The following CFAP299 variants were observed in gnomAD, a reference collection of about 807,000 sequenced individuals.
CFAP299 encodes cilia and flagella associated protein 299, also known as cilia- and flagella-associated protein 299.
A neutral mutation model predicts 27.0 loss-of-function variants in CFAP299; 21 were observed. The ratio of observed to expected loss-of-function variants is 0.78; its 90% CI spans 0.55 to 1.12. CFAP299 has a LOEUF of 1.12. CFAP299 is among the 50% of genes most tolerant of loss of function. CFAP299 has a pLI of 0.00. For synonymous variants in CFAP299, 104 were observed against 98.1 expected (o/e 1.06, Z -0.36); for missense variants, 310 against 276.6 (o/e 1.12, Z -0.86).
chr4:80,438,858 A>C (rs1381134888), intron 2 of CFAP299, among the ~76,000 whole-genome samples: 2 of 152,184 alleles, frequency 1.3e-5, no homozygotes, highest in African/African-American at 2.4e-5. Flanking sequence ...TTCCTTAAAT[A>C]TTTTATGCTC....
chr4:80,672,527 T>C (rs1741549622), intron 3 of CFAP299, among the ~76,000 whole-genome samples: 1 of 152,180 alleles, frequency 6.6e-6, no homozygotes, highest in African/African-American at 2.4e-5. Context: ...ATAAAATGAG[T>C]TAGGGAGGAT....
intron 3 of CFAP299, among the ~76,000 whole-genome samples, chr4:80,799,714 ATATTATATTTTAT>A (rs1728214454): frequency 1.8e-5 from 1 of 55,946 alleles, no homozygotes; most frequent in African/African-American, 8.0e-5. Context: ...TATATTTTAT[ATATTATATTTTAT>A]AAATATATAT....
chr4:80,902,384 T>TCC, intron 4 of CFAP299, among the ~76,000 whole-genome samples: 1 of 146,158 alleles, frequency 6.8e-6, no homozygotes, highest in South Asian at 2.1e-4. Flanking sequence ...ATATATTTTA[T>TCC]AAATATATGA....
intron 3 of CFAP299, among the ~76,000 whole-genome samples, chr4:80,814,858 G>C (rs72881504): frequency 0.051 from 7,819 of 152,002 alleles, 420 homozygotes; most frequent in African/African-American, 0.14. Flanking sequence ...ACAAAATTTG[G>C]TCCCCAGGTA....
chr4:80,426,350 GT>G (rs1466361372), intron 2 of CFAP299, among the ~76,000 whole-genome samples: 4 of 151,912 alleles, frequency 2.6e-5, no homozygotes, highest in Admixed American at 1.3e-4. Context: ...TTTCTGGAAG[GT>G]TTTTGATAGT....
intron 3 of CFAP299, among the ~76,000 whole-genome samples, chr4:80,683,115 GA>G (rs1230858045): frequency 2.0e-5 from 3 of 152,264 alleles, no homozygotes; most frequent in East Asian, 3.9e-4. Context: ...TCCAAGATAA[GA>G]ATGAATTTAC....
chr4:80,537,830 C>T (rs1341537984), intron 2 of CFAP299, among the ~76,000 whole-genome samples: 1 of 148,254 alleles, frequency 6.7e-6, no homozygotes, highest in Admixed American at 6.6e-5. Context: ...TAAATGTTCT[C>T]TCCAAAAAAA....
chr4:80,351,990 TAAAGA>T (rs1172166520), intron 1 of CFAP299, among the ~76,000 whole-genome samples: 2 of 151,496 alleles, frequency 1.3e-5, no homozygotes, highest in African/African-American at 2.4e-5. Context: ...TATACAAGCA[TAAAGA>T]AAAGGAGATT....
chr4:80,376,758 G>A (rs78117713), intron 2 of CFAP299, among the ~76,000 whole-genome samples: 23,481 of 152,054 alleles, frequency 0.15, 2,004 homozygotes, highest in East Asian at 0.25. Context: ...AGGTTGAAAC[G>A]ATCCTCCTGC....
intron 4 of CFAP299, chr4:80,871,734 A>C (rs1733107835): frequency 1.5e-6 from 1 of 668,866 alleles, no homozygotes; most frequent in Admixed American, 6.3e-5. Flanking sequence ...ACCTGCAAAC[A>C]CTTCAGCATG....
chr4:80,791,423 G>A (rs1407446476), intron 3 of CFAP299, among the ~76,000 whole-genome samples: 2 of 152,022 alleles, frequency 1.3e-5, no homozygotes, highest in Admixed American at 1.3e-4. Context: ...AAGATTAAAT[G>A]AGATAATATG....
chr4:80,416,152 C>G (rs1471323231), intron 2 of CFAP299, among the ~76,000 whole-genome samples: 1 of 152,102 alleles, frequency 6.6e-6, no homozygotes, highest in African/African-American at 2.4e-5. Context: ...CAGGTGACAC[C>G]CATCCTGTTG....
chr4:80,799,455 A>T lies in CFAP299; in HGVS notation c.334-70538A>T, dbSNP rs1167588820. ...TATATATAATATTTATAAAATATAT[A>T]TAATATATTTTATAAATATATATTT... On this transcript the variant is annotated intron_variant, in intron 3 of 5. Transcript: ENST00000358105. Among the ~76,000 whole-genome samples, 19 of 90,922 alleles carry T rather than the reference A, an allele frequency of 2.1e-4. No individual in the cohort carries two copies. The South Asian group carries it at 6.3e-3, about 30-fold the overall frequency. The allele number at this position is 90,922 out of a possible 152,430, so 59.6% of individuals were successfully genotyped here.
intron 2 of CFAP299, among the ~76,000 whole-genome samples, chr4:80,522,720 T>G (rs971188064): frequency 2.5e-4 from 38 of 152,162 alleles, no homozygotes; most frequent in African/African-American, 8.9e-4. Flanking sequence ...CATGTGAATG[T>G]CCAGTTTTCC....
chr4:80,807,402 A>G (rs1728918929), intron 3 of CFAP299, among the ~76,000 whole-genome samples: 1 of 152,158 alleles, frequency 6.6e-6, no homozygotes, highest in African/African-American at 2.4e-5. Flanking sequence ...GAAGGAATTA[A>G]CAGATATTTC....
chr4:80,923,737 G>C (rs1736161637), intron 4 of CFAP299, among the ~76,000 whole-genome samples: 1 of 152,100 alleles, frequency 6.6e-6, no homozygotes, highest in Non-Finnish European at 1.5e-5. Flanking sequence ...CTTGGTTGAA[G>C]TATCAGGACT....
intron 2 of CFAP299, among the ~76,000 whole-genome samples, chr4:80,574,582 A>G (rs568164689): frequency 8.2e-4 from 125 of 152,220 alleles, no homozygotes; most frequent in African/African-American, 2.9e-3. Context: ...TAAGTATGAT[A>G]CTAGCTGTGG....
At chr4:80,605,540 G>T (rs1278402456) in intron 3 of CFAP299, among the ~76,000 whole-genome samples, 1 of 152,132 alleles carries the variant, frequency 6.6e-6, no homozygotes, top group Non-Finnish European at 1.5e-5. Flanking sequence ...AAAAGAAATA[G>T]AAGCAAATGT....
intron 2 of CFAP299, among the ~76,000 whole-genome samples, chr4:80,470,745 A>C (rs1467603006): frequency 6.6e-6 from 1 of 152,200 alleles, no homozygotes; most frequent in African/African-American, 2.4e-5. Flanking sequence ...TGTTTGACCC[A>C]AATGCCATCT....
Sources: gnomAD v4.1 joint callset for allele counts (sites outside exome capture counted in the v4.1 genomes callset) on GRCh38, gnomAD v4.1.1 for gene constraint, MANE v1.5 for transcripts, NCBI Gene and HGNC (gene_info 2026-07-23, HGNC 2026-07-21) for gene names.